The following KRTAP2-1 variants were observed in gnomAD, a reference collection of about 807,000 sequenced individuals.
KRTAP2-1 encodes the protein keratin associated protein 2-1.
In KRTAP2-1, 5 loss-of-function variants were observed where a neutral mutation model predicts 11.6. The ratio of observed to expected loss-of-function variants is 0.43; its 90% CI spans 0.22 to 0.90. The LOEUF (loss-of-function observed/expected upper bound fraction) is 0.90. Ranked by LOEUF, KRTAP2-1 falls within the 40% of genes least tolerant of loss-of-function variation. KRTAP2-1 has a pLI of 0.26. For synonymous variants in KRTAP2-1, 19 were observed against 81.9 expected, an observed-to-expected ratio of 0.23 and a Z score of 4.15; for missense variants, 40 against 191.3, an observed-to-expected ratio of 0.21 and a Z score of 4.67.
Position 41,047,190 on chromosome 17 carries a change from G to T in KRTAP2-1, c.78C>A (p.Arg26=). 2 of 1,413,312 alleles carry T rather than the reference G, an allele frequency of 1.4e-6. No individual in the cohort carries two copies. Among genetic ancestry groups the T allele is most frequent in the Non-Finnish European group, 1.9e-6 (2 of 1,071,764 alleles). 87.5% of individuals were successfully genotyped at this position (1,413,312 alleles called of 1,614,324 possible). ...TCACGGGGCGGCAGCAGCAGGGGTC[G>T]CGGCAGCAGCAGGGCTGGCAGCAGC... The part of the protein sequence containing the change: ...GGGCCQPCCC[R]DPCCCRPVTC... Residue 26 remains arginine (R), a synonymous_variant, in exon 1 of 1, where the codon CGC becomes CGA. Coordinates refer to ENST00000391419, the MANE Select transcript of KRTAP2-1 (RefSeq NM_001123387.1).
Position 41,046,992 on chromosome 17 carries a change from G to A in KRTAP2-1, c.276C>T (p.Cys92=), listed in dbSNP as rs1396236709. 1 of 1,533,408 alleles carries A rather than the reference G, an allele frequency of 6.5e-7. No homozygotes were observed. Among genetic ancestry groups the A allele is most frequent in the African/African-American group, 1.4e-5 (1 of 72,948 alleles). 95.0% of individuals were successfully genotyped at this position (1,533,408 alleles called of 1,614,324 possible). A position where few individuals can be genotyped will look rare whatever the true frequency, so the allele number is the denominator to read the frequency against. ...GCTGGCAGCAGGTGGTGGCCCAGCA[G>A]CAGGGCCTGCACACCACAGCCGTGC... ...SSCTAVVCRP[C]CWATTCCQPV... Residue 92 remains cysteine, a synonymous_variant, in exon 1 of 1, where the codon TGC becomes TGT. Transcript: ENST00000391419.
Position 41,046,765 on chromosome 17 carries a change from C to G in KRTAP2-1, c.*116G>C. 6 of 1,506,340 alleles carry G rather than the reference C, an allele frequency of 4.0e-6. No individual in the cohort carries two copies. The highest frequency in any genetic ancestry group is 5.3e-6 in the Non-Finnish European group (6 of 1,127,382). The allele number at this position is 1,506,340 out of a possible 1,614,324, so 93.3% of individuals were successfully genotyped here. The stretch of plus-strand genomic sequence containing the variant: ...TGTGACTTTTTCAGAAGGTGAGTTA[C>G]GCGTTCCGGGCAGTCAGTGCACTGC... On this transcript the variant is annotated 3_prime_UTR_variant, in exon 1 of 1. Transcript: ENST00000391419.
Position 41,046,652 on chromosome 17 carries a change from G to T in KRTAP2-1, c.*229C>A, listed in dbSNP as rs774797954. Reference sequence around the variant, plus strand: ...CTTCAGAATGGCCCAGGTCTTAATAGATGAGCCCAGTGCTCGGTTCCCTGC... The same window carrying T: ...CTTCAGAATGGCCCAGGTCTTAATATATGAGCCCAGTGCTCGGTTCCCTGC... On this transcript the variant is annotated 3_prime_UTR_variant, in exon 1 of 1. Coordinates refer to ENST00000391419, the MANE Select transcript of KRTAP2-1 (RefSeq NM_001123387.1). The T allele has an allele frequency of 1.1e-5, 13 of 1,225,842 alleles. No individual in the cohort carries two copies. Among genetic ancestry groups the T allele is most frequent in the Admixed American group, 2.7e-5 (1 of 37,592 alleles). The allele number at this position is 1,225,842 out of a possible 1,614,324, so 75.9% of individuals were successfully genotyped here.
chr17:41,046,648 A>G lies in KRTAP2-1; in HGVS notation c.*233T>C. ...CAGACTTCAGAATGGCCCAGGTCTT[A>G]ATAGATGAGCCCAGTGCTCGGTTCC... On this transcript the variant is annotated 3_prime_UTR_variant, in exon 1 of 1. Coordinates refer to ENST00000391419, the MANE Select transcript of KRTAP2-1 (RefSeq NM_001123387.1). The G allele has an allele frequency of 8.4e-7, 1 of 1,188,810 alleles. No individual in the cohort carries two copies. Among genetic ancestry groups the G allele is most frequent in the South Asian group, 1.6e-5 (1 of 63,820 alleles). 73.6% of individuals were successfully genotyped at this position (1,188,810 alleles called of 1,614,324 possible).
Position 41,046,768 on chromosome 17 carries a change from G to C in KRTAP2-1, c.*113C>G. 6.6e-7 allele frequency: 1 copy of C among 1,512,130 alleles called. No homozygotes were observed. The highest frequency in any genetic ancestry group is 1.3e-5 in the South Asian group (1 of 79,358). 93.7% of individuals were successfully genotyped at this position (1,512,130 alleles called of 1,614,324 possible). A position where few individuals can be genotyped will look rare whatever the true frequency, so the allele number is the denominator to read the frequency against. On this transcript the variant is annotated 3_prime_UTR_variant, in exon 1 of 1. Coordinates refer to ENST00000391419, the MANE Select transcript of KRTAP2-1 (RefSeq NM_001123387.1). Reference sequence around the variant, plus strand: ...GACTTTTTCAGAAGGTGAGTTACGCGTTCCGGGCAGTCAGTGCACTGCTCA... The same window carrying C: ...GACTTTTTCAGAAGGTGAGTTACGCCTTCCGGGCAGTCAGTGCACTGCTCA...
rs923193637 is a variant in KRTAP2-1, at chr17:41,046,697, G to A, written c.*184C>T. On this transcript the variant is annotated 3_prime_UTR_variant, in exon 1 of 1. Transcript: ENST00000391419. ...CCCTGCTTGGTTGATGTGGGGTTTTGTGGGCTCAGGGCAGGAGGTTTGTTA... is the reference window on the plus strand; with the variant it reads ...CCCTGCTTGGTTGATGTGGGGTTTTATGGGCTCAGGGCAGGAGGTTTGTTA... 49 of 1,462,296 alleles carry A rather than the reference G, an allele frequency of 3.4e-5. 1 individual carries two copies. The highest frequency in any genetic ancestry group is 6.4e-5 in the Admixed American group (3 of 46,518). 90.6% of individuals were successfully genotyped at this position (1,462,296 alleles called of 1,614,324 possible).
chr17:41,047,261 C>G lies in KRTAP2-1; in HGVS notation c.7G>C (p.Gly3Arg). The G allele has an allele frequency of 2.8e-6, 4 of 1,425,922 alleles. No individual in the cohort carries two copies. Among genetic ancestry groups the G allele is most frequent in the Non-Finnish European group, 3.7e-6 (4 of 1,095,564 alleles). The allele number at this position is 1,425,922 out of a possible 1,614,324, so 88.3% of individuals were successfully genotyped here. A position where few individuals can be genotyped will look rare whatever the true frequency, so the allele number is the denominator to read the frequency against. MTGSCCGSTFSSL... is the reference protein window; with the variant it reads MTRSCCGSTFSSL... ...GAGAAGGTGGAGCCGCAGCAGGAGC[C>G]GGTCATGGTGGTGTCTGAGGCTGGT... The change falls in exon 1 of 1, where the codon GGC becomes CGC. Residue 3 changes from glycine to arginine, a missense_variant. Transcript: ENST00000391419.
chr17:41,047,007 C>T lies in KRTAP2-1; in HGVS notation c.261G>A (p.Val87=). ...ITCCPSSCTA[V]VCRPCCWATT... ...TGGCCCAGCAGCAGGGCCTGCACAC[C>T]ACAGCCGTGCACGACGAGGGGCAGC... Residue 87 remains valine (V), a synonymous_variant, in exon 1 of 1, where the codon GTG becomes GTA. Coordinates refer to ENST00000391419, the MANE Select transcript of KRTAP2-1 (RefSeq NM_001123387.1). 2 of 1,516,970 alleles carry T rather than the reference C, an allele frequency of 1.3e-6. No homozygotes were observed. The highest frequency in any genetic ancestry group is 1.2e-5 in the South Asian group (1 of 82,726). 94.0% of individuals were successfully genotyped at this position (1,516,970 alleles called of 1,614,324 possible). A position where few individuals can be genotyped will look rare whatever the true frequency, so the allele number is the denominator to read the frequency against.
In KRTAP2-1 at chr17:41,046,563, A is replaced by G; in HGVS notation, c.*318T>C. ...ATCTTTTTGCAAGGCCAAAGAACAGATATTTATTAGAAAATAAACATGCCA... is the reference window on the plus strand; with the variant it reads ...ATCTTTTTGCAAGGCCAAAGAACAGGTATTTATTAGAAAATAAACATGCCA... On this transcript the variant is annotated 3_prime_UTR_variant, in exon 1 of 1. Transcript: ENST00000391419. The G allele has an allele frequency of 1.7e-6, 1 of 573,868 alleles. No homozygotes were observed. The highest frequency in any genetic ancestry group is 3.7e-5 in the South Asian group (1 of 27,320). The allele number at this position is 573,868 out of a possible 1,614,324, so 35.5% of individuals were successfully genotyped here. A position where few individuals can be genotyped will look rare whatever the true frequency, so the allele number is the denominator to read the frequency against.
chr17:41,046,614 C>T lies in KRTAP2-1; in HGVS notation c.*267G>A. The T allele has an allele frequency of 2.5e-6, 2 of 810,720 alleles. No homozygotes were observed. The highest frequency in any genetic ancestry group is 2.9e-5 in the South Asian group (1 of 34,184). 50.2% of individuals were successfully genotyped at this position (810,720 alleles called of 1,614,324 possible). On this transcript the variant is annotated 3_prime_UTR_variant, in exon 1 of 1. Coordinates refer to ENST00000391419, the MANE Select transcript of KRTAP2-1 (RefSeq NM_001123387.1). ...CGAAATCTTAAGAAGAAGGAAATTG[C>T]TTCTTTTACAGACTTCAGAATGGCC... is the stretch of plus-strand genomic sequence containing the variant.
At position 41,047,013 on chromosome 17, in the gene KRTAP2-1, C is replaced by T. The variant is rs1283055723; in HGVS notation, c.255G>A (p.Thr85=). ...AGCAGCAGGGCCTGCACACCACAGCCGTGCACGACGAGGGGCAGCAGGTGA... is the reference window on the plus strand; with the variant it reads ...AGCAGCAGGGCCTGCACACCACAGCTGTGCACGACGAGGGGCAGCAGGTGA... The part of the protein sequence containing the change: ...RPITCCPSSC[T]AVVCRPCCWA... Residue 85 remains threonine (T), a synonymous_variant, in exon 1 of 1, where the codon ACG becomes ACA. Transcript: ENST00000391419. 1 of 1,511,620 alleles carries T rather than the reference C, an allele frequency of 6.6e-7. No individual in the cohort carries two copies. The highest frequency in any genetic ancestry group is 1.4e-5 in the African/African-American group (1 of 72,620). The allele number at this position is 1,511,620 out of a possible 1,614,324, so 93.6% of individuals were successfully genotyped here.
chr17:41,046,772 C>T lies in KRTAP2-1; in HGVS notation c.*109G>A. On this transcript the variant is annotated 3_prime_UTR_variant, in exon 1 of 1. Coordinates refer to ENST00000391419, the MANE Select transcript of KRTAP2-1 (RefSeq NM_001123387.1). ...TTTTCAGAAGGTGAGTTACGCGTTCCGGGCAGTCAGTGCACTGCTCAGCAG... is the reference window on the plus strand; with the variant it reads ...TTTTCAGAAGGTGAGTTACGCGTTCTGGGCAGTCAGTGCACTGCTCAGCAG... 4.0e-6 allele frequency: 6 copies of T among 1,512,924 alleles called. No homozygotes were observed. Among genetic ancestry groups the T allele is most frequent in the Non-Finnish European group, 5.3e-6 (6 of 1,131,574 alleles). 93.7% of individuals were successfully genotyped at this position (1,512,924 alleles called of 1,614,324 possible).
rs6503577 is a variant in KRTAP2-1, at chr17:41,046,675, T to A, written c.*206A>T. 289,660 of 1,396,946 alleles carry A rather than the reference T, an allele frequency of 0.21. 35,845 individuals carry two copies. Among genetic ancestry groups the A allele is most frequent in the African/African-American group, 0.48 (33,623 of 69,854 alleles). The allele number at this position is 1,396,946 out of a possible 1,614,324, so 86.5% of individuals were successfully genotyped here. ...TAGATGAGCCCAGTGCTCGGTTCCC[T>A]GCTTGGTTGATGTGGGGTTTTGTGG... On this transcript the variant is annotated 3_prime_UTR_variant, in exon 1 of 1. Coordinates refer to ENST00000391419, the MANE Select transcript of KRTAP2-1 (RefSeq NM_001123387.1).
At position 41,047,264 on chromosome 17, in the gene KRTAP2-1, T is replaced by C. The variant is rs1259383596; in HGVS notation, c.4A>G (p.Thr2Ala). M[T>A]GSCCGSTFSS... Reference sequence around the variant, plus strand: ...AAGGTGGAGCCGCAGCAGGAGCCGGTCATGGTGGTGTCTGAGGCTGGTGTG... The same window carrying C: ...AAGGTGGAGCCGCAGCAGGAGCCGGCCATGGTGGTGTCTGAGGCTGGTGTG... The change falls in exon 1 of 1, where the codon ACC becomes GCC. Residue 2 changes from threonine (T) to alanine (A), a missense_variant. Coordinates refer to ENST00000391419, the MANE Select transcript of KRTAP2-1 (RefSeq NM_001123387.1). 7.0e-7 allele frequency: 1 copy of C among 1,420,174 alleles called. No homozygotes were observed. 88.0% of individuals were successfully genotyped at this position (1,420,174 alleles called of 1,614,324 possible).
rs2012858011 is a variant in KRTAP2-1 at position 41,047,071 on chromosome 17, G to A, written c.197C>T (p.Pro66Leu). 1.4e-6 allele frequency: 2 copies of A among 1,380,908 alleles called. No individual in the cohort carries two copies. Among genetic ancestry groups the A allele is most frequent in the Non-Finnish European group, 1.9e-6 (2 of 1,034,704 alleles). The allele number at this position is 1,380,908 out of a possible 1,614,324, so 85.5% of individuals were successfully genotyped here. A position where few individuals can be genotyped will look rare whatever the true frequency, so the allele number is the denominator to read the frequency against. Residue 66 changes from proline to leucine, a missense_variant, in exon 1 of 1, where the codon CCC becomes CTC. Physicochemically the swap from Pro to Leu is moderately conservative, Grantham distance 98. Coordinates refer to ENST00000391419, the MANE Select transcript of KRTAP2-1 (RefSeq NM_001123387.1). ...GCAGCAGCCTTCCTGCAGGGAGCAG[G>A]GGTCGCAGCACACCGGGCGGCGGCA... ...EPCRRPVCCD[P>L]CSLQEGCCRP... is the part of the protein sequence containing the mutation.
At position 41,046,662 on chromosome 17, in the gene KRTAP2-1, G is replaced by C. The variant is rs144606825; in HGVS notation, c.*219C>G. On this transcript the variant is annotated 3_prime_UTR_variant, in exon 1 of 1. Coordinates refer to ENST00000391419, the MANE Select transcript of KRTAP2-1 (RefSeq NM_001123387.1). ...GCCCAGGTCTTAATAGATGAGCCCA[G>C]TGCTCGGTTCCCTGCTTGGTTGATG... 5.3e-6 allele frequency: 7 copies of C among 1,318,940 alleles called. No individual in the cohort carries two copies. The highest frequency in any genetic ancestry group is 1.5e-5 in the African/African-American group (1 of 68,194). 81.7% of individuals were successfully genotyped at this position (1,318,940 alleles called of 1,614,324 possible).
rs1046313219 is a variant in KRTAP2-1 at position 41,046,650 on chromosome 17, T to C, written c.*231A>G. 26 of 1,204,958 alleles carry C rather than the reference T, an allele frequency of 2.2e-5. No homozygotes were observed. The highest frequency in any genetic ancestry group is 2.8e-5 in the Non-Finnish European group (25 of 885,254). 74.6% of individuals were successfully genotyped at this position (1,204,958 alleles called of 1,614,324 possible). On this transcript the variant is annotated 3_prime_UTR_variant, in exon 1 of 1. Transcript: ENST00000391419. Reference sequence around the variant, plus strand: ...GACTTCAGAATGGCCCAGGTCTTAATAGATGAGCCCAGTGCTCGGTTCCCT... The same window carrying C: ...GACTTCAGAATGGCCCAGGTCTTAACAGATGAGCCCAGTGCTCGGTTCCCT...
Position 41,046,970 on chromosome 17 carries a change from G to A in KRTAP2-1, c.298C>T (p.Gln100Ter), listed in dbSNP as rs370086433. The change falls in exon 1 of 1, where the codon CAG (glutamine) becomes TAG (stop). Residue 100 changes from glutamine (Q) to a stop codon, truncating the protein, a stop_gained. Coordinates refer to ENST00000391419, the MANE Select transcript of KRTAP2-1 (RefSeq NM_001123387.1). LOFTEE classifies it high-confidence loss of function. ...RPCCWATTCC[Q>*]PVSVQSPCCR... ...CAGGGGGACTGCACAGACACAGGCT[G>A]GCAGCAGGTGGTGGCCCAGCAGCAG... is the stretch of plus-strand genomic sequence containing the variant. 1.6e-4 allele frequency: 251 copies of A among 1,537,398 alleles called. No individual in the cohort carries two copies. The East Asian group carries it at 5.3e-3, about 32-fold the overall frequency.
Position 41,046,740 on chromosome 17 carries a change from T to C in KRTAP2-1, c.*141A>G. 1 of 1,509,712 alleles carries C rather than the reference T, an allele frequency of 6.6e-7. No individual in the cohort carries two copies. Among genetic ancestry groups the C allele is most frequent in the Non-Finnish European group, 8.8e-7 (1 of 1,130,226 alleles). 93.5% of individuals were successfully genotyped at this position (1,509,712 alleles called of 1,614,324 possible). On this transcript the variant is annotated 3_prime_UTR_variant, in exon 1 of 1. Coordinates refer to ENST00000391419, the MANE Select transcript of KRTAP2-1 (RefSeq NM_001123387.1). ...GTTTGTTAAAGTAGAGAAATGGGAG[T>C]GTGACTTTTTCAGAAGGTGAGTTAC... is the stretch of plus-strand genomic sequence containing the variant.
Sources: allele counts gnomAD v4.1 joint callset, GRCh38; gene constraint gnomAD v4.1.1; transcripts MANE v1.5; gene names NCBI Gene and HGNC (gene_info 2026-07-23, HGNC 2026-07-21).